Variants in RELN observed in about 807,000 individuals in gnomAD.
The protein encoded by RELN is reelin.
RELN carries 108 observed loss-of-function variants against 427.6 expected under a neutral mutation model. That is an observed-to-expected ratio of 0.25 (90% CI 0.22 to 0.30). RELN has a LOEUF of 0.30. Among genes scored for constraint, RELN ranks in the 10% least tolerant of loss-of-function variants. The probability of loss-of-function intolerance (pLI) is 1.00; values close to 1 mark genes in which losing one functional copy is unlikely to be tolerated. For synonymous variants in RELN, 1,524 were observed against 1,513.4 expected (o/e 1.01, Z -0.16); for missense variants, 3,715 against 4,302.8 (o/e 0.86, Z 3.82).
At chr7:103,515,141 T>C (rs373339247) in intron 50 of RELN, 44 bp downstream of exon 50, 7 of 1,613,554 alleles carry the variant, frequency 4.3e-6, no homozygotes, top group African/African-American at 1.3e-5. Context: ...TCCAAACCAC[T>C]GCATTTCCAC....
chr7:103,643,382 A>G (rs1404021963), intron 16 of RELN, among the ~76,000 whole-genome samples: 1 of 151,998 alleles, frequency 6.6e-6, no homozygotes. Context: ...AAACCGAACA[A>G]TCAGGCAGGG....
At chr7:103,966,626 G>A (rs1423275494) in intron 1 of RELN, among the ~76,000 whole-genome samples, 8 of 152,120 alleles carry the variant, frequency 5.3e-5, no homozygotes, top group African/African-American at 1.7e-4. Flanking sequence ...GTTTAACAAC[G>A]CAGAGCTAAA....
intron 6 of RELN, among the ~76,000 whole-genome samples, chr7:103,743,680 T>C (rs1240567531): frequency 6.6e-6 from 1 of 152,146 alleles, no homozygotes; most frequent in Admixed American, 6.5e-5. Context: ...CGTTACATAA[T>C]GGTAAAGGGA....
intron 48 of RELN, among the ~76,000 whole-genome samples, chr7:103,521,656 A>G (rs1364634372): frequency 6.6e-6 from 1 of 152,206 alleles, no homozygotes; most frequent in Non-Finnish European, 1.5e-5. Context: ...ATGAACATTC[A>G]CTTACATTCT....
intron 2 of RELN, among the ~76,000 whole-genome samples, chr7:103,866,730 A>T (rs1355918095): frequency 6.6e-6 from 1 of 152,090 alleles, no homozygotes; most frequent in African/African-American, 2.4e-5. Flanking sequence ...CATTGTGTGC[A>T]TTATAAACAT....
At chr7:103,823,090 G>A (rs1793049291) in intron 3 of RELN, among the ~76,000 whole-genome samples, 1 of 151,872 alleles carries the variant, frequency 6.6e-6, no homozygotes, top group Non-Finnish European at 1.5e-5. Context: ...TTTGTTCTTA[G>A]GTAATTGCCC....
rs560954852 is a variant in RELN at position 103,906,717 on chromosome 7, C to T, written c.337+10358G>A. 7.2e-5 allele frequency among the ~76,000 whole-genome samples: 11 copies of T among 152,222 alleles called. No individual in the cohort carries two copies. In the South Asian group the frequency reaches 1.7e-3, roughly 23 times the overall value. On this transcript the variant is annotated intron_variant, in intron 2 of 64. Coordinates refer to ENST00000428762, the MANE Select transcript of RELN (RefSeq NM_005045.4). Reference sequence around the variant, plus strand: ...TATTTGACATAGCTTGGCTTTTGTACCTTATGGTTTAAACTAAGGCCAAAA... The same window carrying T: ...TATTTGACATAGCTTGGCTTTTGTATCTTATGGTTTAAACTAAGGCCAAAA...
In RELN at chr7:103,593,720, C is replaced by A; in HGVS notation, c.3874G>T (p.Asp1292Tyr). 1 of 1,614,028 alleles carries A rather than the reference C, an allele frequency of 6.2e-7. No individual in the cohort carries two copies. Among genetic ancestry groups the A allele is most frequent in the Non-Finnish European group, 8.5e-7 (1 of 1,179,956 alleles). The change falls in exon 27 of 65, where the codon GAT becomes TAT. Residue 1292 changes from aspartate (D) to tyrosine (Y), a missense_variant. Asp to Tyr is a radical substitution (Grantham distance 160). Coordinates refer to ENST00000428762, the MANE Select transcript of RELN (RefSeq NM_005045.4). ...ACATATCCAGGTTTCAGGGTCAAAT[C>A]TCGAGTTACTGCAAATCGATCTCCA... ...SDGDRFAVTR[D>Y]LTLKPGYVLQ...
At chr7:103,966,455 A>G (rs1353835350) in intron 1 of RELN, among the ~76,000 whole-genome samples, 2 of 152,266 alleles carry the variant, frequency 1.3e-5, no homozygotes, top group African/African-American at 4.8e-5. Context: ...GAGAACATGT[A>G]AACTCCACAC....
At chr7:103,643,190 A>AT (rs1247556926) in intron 16 of RELN, among the ~76,000 whole-genome samples, 3 of 152,004 alleles carry the variant, frequency 2.0e-5, no homozygotes, top group African/African-American at 4.8e-5. Context: ...AAGGGTGTGC[A>AT]TTTTCTCCAT....
In RELN at chr7:103,558,192, A is replaced by C. The variant is rs142796755; in HGVS notation, c.5530-143T>G. 1.5e-4 allele frequency: 96 copies of C among 626,760 alleles called. No individual in the cohort carries two copies. The East Asian group carries it at 2.7e-3, about 18-fold the overall frequency. The allele number at this position is 626,760 out of a possible 1,614,324, so 38.8% of individuals were successfully genotyped here. A position where few individuals can be genotyped will look rare whatever the true frequency, so the allele number is the denominator to read the frequency against. ...GCAAATTTTGCCTAGTTTAAAAGGA[A>C]AAATGGGATGATCCTTGTTTCCCCT... On this transcript the variant is annotated intron_variant, in intron 36 of 64. Coordinates refer to ENST00000428762, the MANE Select transcript of RELN (RefSeq NM_005045.4).
chr7:103,876,723 A>T (rs944887915), intron 2 of RELN, among the ~76,000 whole-genome samples: 1 of 152,176 alleles, frequency 6.6e-6, no homozygotes, highest in Admixed American at 6.5e-5. Context: ...ATGCTAACTT[A>T]AAAATCCTCA....
chr7:103,657,312 G>GA (rs1168967205), intron 12 of RELN, among the ~76,000 whole-genome samples: 3 of 151,668 alleles, frequency 2.0e-5, no homozygotes, highest in Non-Finnish European at 2.9e-5. Context: ...GGTCTCTGGA[G>GA]AAAAAATCCA....
chr7:103,941,114 A>T (rs1796105084), intron 1 of RELN, among the ~76,000 whole-genome samples: 1 of 150,914 alleles, frequency 6.6e-6, no homozygotes, highest in African/African-American at 2.5e-5. Flanking sequence ...GGTTGACACG[A>T]GACTGACACG....
rs149837553 is a variant in RELN, at chr7:103,553,807, A to G, written c.5822T>C (p.Val1941Ala). The change falls in exon 39 of 65, where the codon GTT becomes GCT. Residue 1941 changes from valine to alanine, a missense_variant. Physicochemically the swap from Val to Ala is moderately conservative, Grantham distance 64 (BLOSUM62 0). This residue lies in a region of RELN where 1,310 missense variants were observed against 1,643.0 expected (regional missense o/e 0.80). Coordinates refer to ENST00000428762, the MANE Select transcript of RELN (RefSeq NM_005045.4). Reference protein sequence around the residue: ...NNGKKEEIWIVDDFIIDGNNV... With the variant: ...NNGKKEEIWIADDFIIDGNNV... The stretch of plus-strand genomic sequence containing the variant: ...ATTTCCATCGATAATGAAGTCATCA[A>G]CAATCCAGATTTCTTCTTTCTTACC... 6.1e-4 allele frequency: 983 copies of G among 1,614,018 alleles called. 1 individual carries two copies. Among genetic ancestry groups the G allele is most frequent in the Non-Finnish European group, 7.5e-4 (885 of 1,180,010 alleles).
chr7:103,715,856 A>G (rs900817189), intron 8 of RELN, among the ~76,000 whole-genome samples: 1 of 152,176 alleles, frequency 6.6e-6, no homozygotes, highest in Admixed American at 6.5e-5. Flanking sequence ...CACAAGGAAG[A>G]GAAATGTGTC....
At chr7:103,877,519 T>G (rs554573804) in intron 2 of RELN, among the ~76,000 whole-genome samples, 1 of 152,318 alleles carries the variant, frequency 6.6e-6, no homozygotes, top group South Asian at 2.1e-4. Context: ...GCCACCATCT[T>G]GGCTCAGCTC....
At chr7:103,887,759 T>C (rs13239321) in intron 2 of RELN, among the ~76,000 whole-genome samples, 17,993 of 152,024 alleles carry the variant, frequency 0.12, 1,122 homozygotes, top group Non-Finnish European at 0.14. Context: ...TAAAGTGTTT[T>C]GGTGTGTACA....
chr7:103,909,722 AATATATTTTTTAATATATATAAAT>A (rs1563084843), intron 2 of RELN, among the ~76,000 whole-genome samples: 391 of 27,846 alleles, frequency 0.014, 22 homozygotes, highest in South Asian at 0.045. Flanking sequence ...ATATATATTA[AATATATTTTTTAATATATATAAAT>A]ATATATATTA....
Sources: allele counts gnomAD v4.1 joint callset (sites outside exome capture counted in the v4.1 genomes callset), GRCh38; gene constraint gnomAD v4.1.1; regional missense constraint gnomAD v4.1.1; transcripts MANE v1.5; gene names NCBI Gene and HGNC (gene_info 2026-07-23, HGNC 2026-07-21).